Variants in NHEJ1 observed in about 807,000 individuals in gnomAD.
NHEJ1 encodes the protein non-homologous end-joining factor 1.
In NHEJ1, 22 loss-of-function variants were observed where a neutral mutation model predicts 39.4. The observed-to-expected ratio is 0.56, with a 90% CI of 0.40 to 0.80. The LOEUF is 0.80. NHEJ1 is among the 30% of genes least tolerant of loss of function. The pLI is 0.00. For synonymous variants in NHEJ1, 154 were observed against 135.6 expected (o/e 1.14, Z -0.94); for missense variants, 329 against 357.1 (o/e 0.92, Z 0.63).
chr2:219,141,544 G>T (rs1034370551), intron 5 of NHEJ1, among the ~76,000 whole-genome samples: 1 of 152,090 alleles, frequency 6.6e-6, no homozygotes, highest in East Asian at 1.9e-4. Context: ...CAAATTTCTA[G>T]CTTAGAAAAC....
intron 5 of NHEJ1, among the ~76,000 whole-genome samples, chr2:219,103,104 C>T (rs1434716309): frequency 6.8e-6 from 1 of 147,966 alleles, no homozygotes; most frequent in Non-Finnish European, 1.5e-5. Flanking sequence ...TCTCTTGAAC[C>T]TGGGAGGCAG....
intron 5 of NHEJ1, among the ~76,000 whole-genome samples, chr2:219,081,365 T>C (rs912977673): frequency 2.0e-5 from 3 of 152,008 alleles, no homozygotes; most frequent in Admixed American, 2.0e-4. Flanking sequence ...GTAAAGTAAA[T>C]AGTGCCCCCT....
At chr2:219,085,380 T>A (rs1213781059) in intron 5 of NHEJ1, among the ~76,000 whole-genome samples, 1 of 152,174 alleles carries the variant, frequency 6.6e-6, no homozygotes, top group South Asian at 2.1e-4. Flanking sequence ...TACCCCTCTA[T>A]CAGTTCAGTG....
chr2:219,088,971 C>T (rs1431005299), intron 5 of NHEJ1, among the ~76,000 whole-genome samples: 1 of 152,084 alleles, frequency 6.6e-6, no homozygotes, highest in Non-Finnish European at 1.5e-5. Context: ...CACCACCACA[C>T]CTGGCTAATT....
chr2:219,117,152 G>A (rs904130619), intron 5 of NHEJ1, among the ~76,000 whole-genome samples: 6 of 152,092 alleles, frequency 3.9e-5, no homozygotes, highest in Non-Finnish European at 7.4e-5. Context: ...CAGCCCTGCA[G>A]ACCATTATAA....
intron 5 of NHEJ1, among the ~76,000 whole-genome samples, chr2:219,102,138 T>C (rs554512759): frequency 6.6e-6 from 1 of 152,304 alleles, no homozygotes; most frequent in South Asian, 2.1e-4. Flanking sequence ...TTATAAACAA[T>C]GTTGCTGGTG....
chr2:219,109,993 C>A (rs1328572920), intron 5 of NHEJ1, among the ~76,000 whole-genome samples: 1 of 152,164 alleles, frequency 6.6e-6, no homozygotes, highest in Non-Finnish European at 1.5e-5. Flanking sequence ...ATAATTCTAA[C>A]CATCTCCCCG....
intron 5 of NHEJ1, among the ~76,000 whole-genome samples, chr2:219,095,612 C>A (rs1949201125): frequency 6.6e-6 from 1 of 152,086 alleles, no homozygotes; most frequent in South Asian, 2.1e-4. Context: ...GAGCTCACAG[C>A]CAATGGGGAG....
chr2:219,083,260 T>TC (rs1949082025), intron 5 of NHEJ1, among the ~76,000 whole-genome samples: 1 of 152,036 alleles, frequency 6.6e-6, no homozygotes, highest in Non-Finnish European at 1.5e-5. Flanking sequence ...ACTATTACCA[T>TC]CCAAATGAAA....
chr2:219,140,210 G>A (rs1949677403), intron 5 of NHEJ1, among the ~76,000 whole-genome samples: 1 of 152,220 alleles, frequency 6.6e-6, no homozygotes, highest in African/African-American at 2.4e-5. Flanking sequence ...GAGTGAATGA[G>A]GGAGGAAGTT....
chr2:219,159,340 G>T (rs1438794129), intron 1 of NHEJ1: 1 of 151,304 alleles, frequency 6.6e-6, no homozygotes, highest in African/African-American at 2.4e-5. Flanking sequence ...TCCTGTGGGG[G>T]AGAAAAAAAT....
chr2:219,110,032 A>G (rs531088552), intron 5 of NHEJ1, among the ~76,000 whole-genome samples: 1 of 152,310 alleles, frequency 6.6e-6, no homozygotes, highest in East Asian at 1.9e-4. Flanking sequence ...ATGAAGAATC[A>G]TGAGCTTAAA....
At chr2:219,080,532 A>C (rs1949052646) in intron 5 of NHEJ1, among the ~76,000 whole-genome samples, 1 of 142,784 alleles carries the variant, frequency 7.0e-6, no homozygotes, top group South Asian at 2.1e-4. Flanking sequence ...CTTAAAAAAA[A>C]ATAAATAAAT....
At chr2:219,136,331 C>T (rs990552555) in intron 5 of NHEJ1, among the ~76,000 whole-genome samples, 5 of 145,412 alleles carry the variant, frequency 3.4e-5, no homozygotes, top group Non-Finnish European at 7.5e-5. Context: ...CTTTGTCGCT[C>T]AGGCTGGAGT....
chr2:219,095,340 T>G, intron 5 of NHEJ1: 2 of 471,120 alleles, frequency 4.2e-6, no homozygotes, highest in Non-Finnish European at 8.8e-6. Flanking sequence ...CCAGTTTTGA[T>G]GGGTATATCT....
chr2:219,145,376 C>A (rs189534172), intron 5 of NHEJ1, among the ~76,000 whole-genome samples: 11 of 152,172 alleles, frequency 7.2e-5, no homozygotes, highest in African/African-American at 2.2e-4. Context: ...AGTGTTTAGA[C>A]CCCAAGCATT....
rs58103413 is a variant in NHEJ1 at position 219,157,991 on chromosome 2, T to TCA, written c.177+193_177+194dup. The stretch of plus-strand genomic sequence containing the variant: ...CTTTCTTTCTCTCTCTCTCTCTCTC[T>TCA]CACACACACACACACACACACACAC... On this transcript the variant is annotated intron_variant, in intron 2 of 7. Transcript: ENST00000356853. 8.6e-3 allele frequency among the ~76,000 whole-genome samples: 858 copies of TCA among 99,252 alleles called. 14 individuals carry two copies. Among genetic ancestry groups the TCA allele is most frequent in the South Asian group, 0.041 (119 of 2,916 alleles). The allele number at this position is 99,252 out of a possible 152,430, so 65.1% of individuals were successfully genotyped here. A position where few individuals can be genotyped will look rare whatever the true frequency, so the allele number is the denominator to read the frequency against.
chr2:219,148,449 C>G (rs1004499852), intron 3 of NHEJ1, among the ~76,000 whole-genome samples: 3 of 152,126 alleles, frequency 2.0e-5, no homozygotes. Context: ...ATCCCAACTA[C>G]TCGGGAGGCT....
rs372623633 is a variant in NHEJ1 at position 219,112,560 on chromosome 2, A to G, written c.588+34120T>C. Reference sequence around the variant, plus strand: ...TTGTAAAAGTCTCCTAGGGGCACACACCTAGACCCTTCTCTTGTTGCAGGA... The same window carrying G: ...TTGTAAAAGTCTCCTAGGGGCACACGCCTAGACCCTTCTCTTGTTGCAGGA... On this transcript the variant is annotated intron_variant, in intron 5 of 7. Transcript: ENST00000356853. Among the ~76,000 whole-genome samples the G allele has an allele frequency of 6.6e-5, 10 of 152,262 alleles. No homozygotes were observed. In the South Asian group the frequency reaches 2.1e-3, roughly 32 times the overall value.
Sources: gnomAD v4.1 joint callset for allele counts (sites outside exome capture counted in the v4.1 genomes callset) on GRCh38, gnomAD v4.1.1 for gene constraint, MANE v1.5 for transcripts, NCBI Gene and HGNC (gene_info 2026-07-23, HGNC 2026-07-21) for gene names.